Variants in FAM217B observed in about 807,000 individuals in gnomAD.
FAM217B encodes family with sequence similarity 217 member B.
For missense variants in FAM217B, 463 were observed against 456.9 expected, an observed-to-expected ratio of 1.01 and a Z score of -0.12; for synonymous variants, 163 against 173.0, an observed-to-expected ratio of 0.94 and a Z score of 0.45.
chr20:59,933,960 T>C (rs1206002406), intron 1 of FAM217B: 1 of 152,270 alleles, frequency 6.6e-6, no homozygotes, highest in Non-Finnish European at 1.5e-5. Context: ...GGAGACTCGC[T>C]GCCTTGACTG....
rs148436563 is a variant in FAM217B at position 59,944,554 on chromosome 20, G to T, written c.611G>T (p.Gly204Val). The change falls in exon 4 of 4, where the codon GGC becomes GTC. Residue 204 changes from glycine to valine, a missense_variant. Coordinates refer to ENST00000360816, the MANE Select transcript of FAM217B (RefSeq NM_022106.3). The stretch of plus-strand genomic sequence containing the variant: ...GTACAGTGTGAAAAAGCAAAGGGGG[G>T]CAAAGCAAGGCCCCCCACTGCCCCT... Reference protein sequence around the residue: ...QTVQCEKAKGGKARPPTAPGT... With the variant: ...QTVQCEKAKGVKARPPTAPGT... The T allele has an allele frequency of 5.9e-4, 950 of 1,614,024 alleles. 13 individuals carry two copies. The South Asian group carries it at 8.8e-3, about 15-fold the overall frequency.
upstream of FAM217B, chr20:59,939,588 T>C (rs2060886039): frequency 1.2e-6 from 2 of 1,606,062 alleles, no homozygotes; most frequent in African/African-American, 1.3e-5. Flanking sequence ...CACCTTGACC[T>C]GTGCCAGCTC....
chr20:59,937,897 A>G (rs2060871849), upstream of FAM217B: 1 of 152,384 alleles, frequency 6.6e-6, no homozygotes, highest in African/African-American at 2.4e-5. Context: ...CAGAAAGTAT[A>G]AAGTTGGTGG....
At chr20:59,939,745 G>C, upstream of FAM217B, 1 of 1,233,018 alleles carries the variant, frequency 8.1e-7, no homozygotes, top group Non-Finnish European at 1.0e-6. Context: ...GGCCGCAGGC[G>C]GGGGTCGCAG....
upstream of FAM217B, among the ~76,000 whole-genome samples, chr20:59,936,126 G>A (rs969846421): frequency 2.6e-5 from 4 of 152,132 alleles, no homozygotes; most frequent in Non-Finnish European, 5.9e-5. Context: ...TATACAGCAT[G>A]TTACTGCAGT....
In FAM217B at chr20:59,944,076, G is replaced by A. The variant is rs760666677; in HGVS notation, c.133G>A (p.Glu45Lys). 4.3e-6 allele frequency: 7 copies of A among 1,613,970 alleles called. No individual in the cohort carries two copies. In the Admixed American group the frequency reaches 1.0e-4, roughly 23 times the overall value. ...SSLTAVTQPT[E>K]EKLKESISPE... ...CCTCACAGCTGTCACCCAGCCTACT[G>A]AAGAAAAACTTAAAGAAAGCATTTC... Residue 45 changes from glutamate to lysine, a missense_variant, in exon 4 of 4, where the codon GAA (glutamate) becomes AAA (lysine). Transcript: ENST00000360816.
chr20:59,939,783 G>A, upstream of FAM217B: 1 of 1,224,984 alleles, frequency 8.2e-7, no homozygotes, highest in Admixed American at 4.3e-5. Context: ...TGGCGGCGGC[G>A]CGCGGCCCGG....
Position 59,944,833 on chromosome 20 carries a change from C to G in FAM217B, c.890C>G (p.Ser297Ter). The G allele has an allele frequency of 6.2e-7, 1 of 1,614,156 alleles. No homozygotes were observed. The highest frequency in any genetic ancestry group is 8.5e-7 in the Non-Finnish European group (1 of 1,180,024). Residue 297 changes from serine to a stop codon, truncating the protein, a stop_gained, in exon 4 of 4, where the codon TCA (serine) becomes TGA (stop). Coordinates refer to ENST00000360816, the MANE Select transcript of FAM217B (RefSeq NM_022106.3). LOFTEE classifies it low-confidence loss of function (END_TRUNC). The stretch of plus-strand genomic sequence containing the variant: ...AGGACAGAAGAAAAGAAAAAGAAAT[C>G]AAGTAAGAGTACGAAGCTGCAGCGC... Reference protein sequence around the residue: ...EMRTEEKKKKSSKSTKLQRWD... With the variant: ...EMRTEEKKKK
chr20:59,938,816 T>A, upstream of FAM217B: 4 of 380,290 alleles, frequency 1.1e-5, no homozygotes, highest in Admixed American at 4.6e-5. Flanking sequence ...CAACTCGGCC[T>A]TCTGGCCACC....
intron 3 of FAM217B, 73 bp from the exon 4 acceptor site, chr20:59,943,867 T>C: frequency 7.8e-7 from 1 of 1,285,642 alleles, no homozygotes; most frequent in Non-Finnish European, 1.1e-6. Context: ...AGAAGATTCT[T>C]TTTGTTTGTT....
At chr20:59,939,925 T>C, upstream of FAM217B, 5 of 1,261,636 alleles carry the variant, frequency 4.0e-6, no homozygotes, top group Non-Finnish European at 5.0e-6. Flanking sequence ...CTCGGGCCTC[T>C]GGACATGGCC....
At chr20:59,940,925 G>A (rs931855462) in intron 1 of FAM217B, among the ~76,000 whole-genome samples, 7 of 152,118 alleles carry the variant, frequency 4.6e-5, no homozygotes, top group Non-Finnish European at 1.0e-4. Flanking sequence ...AGGAAGACAG[G>A]GGAACAAGAG....
Position 59,945,253 on chromosome 20 carries a change from T to C in FAM217B, c.*158T>C, listed in dbSNP as rs191084182. ...ACCTTTATTTCTACCCTGAGTGGGG[T>C]TATTTTCAAAGGGAAGTGTCTTTCA... On this transcript the variant is annotated 3_prime_UTR_variant, in exon 4 of 4. Transcript: ENST00000360816. The C allele has an allele frequency of 4.9e-4, 310 of 632,944 alleles. No individual in the cohort carries two copies. The African/African-American group carries it at 5.2e-3, about 11-fold the overall frequency. The allele number at this position is 632,944 out of a possible 1,614,324, so 39.2% of individuals were successfully genotyped here.
chr20:59,940,577 TATCGATC>T (rs2060897657), intron 1 of FAM217B, 42 bp downstream of exon 1: 1 of 152,306 alleles, frequency 6.6e-6, no homozygotes, highest in Non-Finnish European at 1.5e-5. Context: ...ATTGCGCGCC[TATCGATC>T]ATAGACTTTG....
upstream of FAM217B, chr20:59,938,827 T>A: frequency 5.5e-6 from 2 of 365,480 alleles, no homozygotes; most frequent in Non-Finnish European, 9.4e-6. Context: ...TCTGGCCACC[T>A]GAGGCTACTT....
intron 1 of FAM217B, 133 bp from the exon 2 acceptor site, chr20:59,942,065 A>C (rs1705666601): frequency 6.6e-6 from 1 of 152,486 alleles, no homozygotes; most frequent in African/African-American, 2.4e-5. Context: ...CCTAGAGTGC[A>C]AACCACTATA....
At chr20:59,939,428 A>C (rs957491895), upstream of FAM217B, 3 of 1,611,216 alleles carry the variant, frequency 1.9e-6, no homozygotes, top group African/African-American at 4.0e-5. Context: ...GGCGCTCGCC[A>C]AAGTCGGCGG....
chr20:59,940,930 C>G (rs887504057), intron 1 of FAM217B, among the ~76,000 whole-genome samples: 2 of 152,206 alleles, frequency 1.3e-5, no homozygotes, highest in Admixed American at 6.5e-5. Flanking sequence ...GACAGGGGAA[C>G]AAGAGTTATT....
chr20:59,939,460 C>T (rs1333089525), upstream of FAM217B: 1 of 1,611,890 alleles, frequency 6.2e-7, no homozygotes, highest in Admixed American at 1.7e-5. Flanking sequence ...GGCGGGAAAT[C>T]GGGCACCAGG....
Sources: gnomAD v4.1 joint callset for allele counts (sites outside exome capture counted in the v4.1 genomes callset) on GRCh38, gnomAD v4.1.1 for gene constraint, MANE v1.5 for transcripts, NCBI Gene and HGNC (gene_info 2026-07-23, HGNC 2026-07-21) for gene names.